CCSER1: variants seen among roughly 807,000 people sequenced by gnomAD.
The protein encoded by CCSER1 is serine-rich coiled-coil domain-containing protein 1.
CCSER1 carries 41 observed loss-of-function variants against 82.0 expected under a neutral mutation model. That is an observed-to-expected ratio of 0.50 (90% CI 0.39 to 0.65). The LOEUF (loss-of-function observed/expected upper bound fraction) is 0.65, where lower values mean the gene tolerates loss of function less well. Ranked by LOEUF, CCSER1 falls within the 30% of genes least tolerant of loss-of-function variation. The pLI is 0.00. For missense variants in CCSER1, 1,119 were observed against 1,064.2 expected, an observed-to-expected ratio of 1.05 and a Z score of -0.72; for synonymous variants, 414 against 383.9, an observed-to-expected ratio of 1.08 and a Z score of -0.92.
At chr4:91,381,016 G>C (rs1350400043) in intron 10 of CCSER1, among the ~76,000 whole-genome samples, 1 of 152,066 alleles carries the variant, frequency 6.6e-6, no homozygotes, top group African/African-American at 2.4e-5. Context: ...AGCTTATTTT[G>C]GCTGGTTATG....
intron 4 of CCSER1, among the ~76,000 whole-genome samples, chr4:90,467,745 A>G (rs1040656033): frequency 1.8e-4 from 28 of 152,114 alleles, no homozygotes; most frequent in Admixed American, 1.6e-3. Flanking sequence ...ATATGATCCC[A>G]TTTGTGTAAA....
chr4:90,610,252 CAAATAAATAAATAAATAAATAAAT>C (rs201777020), intron 5 of CCSER1, among the ~76,000 whole-genome samples: 1 of 135,966 alleles, frequency 7.4e-6, no homozygotes, highest in African/African-American at 2.7e-5. Flanking sequence ...GACTCCATCT[CAAATAAATAAATAAATAAATAAAT>C]AAATAAATAA....
At chr4:90,545,523 G>C (rs183307045) in intron 5 of CCSER1, among the ~76,000 whole-genome samples, 25 of 152,128 alleles carry the variant, frequency 1.6e-4, no homozygotes, top group Admixed American at 8.5e-4. Flanking sequence ...CTAATAGTTG[G>C]AAAGGAGAGG....
At chr4:91,404,055 T>C (rs542860334) in intron 10 of CCSER1, among the ~76,000 whole-genome samples, 1 of 152,292 alleles carries the variant, frequency 6.6e-6, no homozygotes, top group Admixed American at 6.5e-5. Context: ...AGGCTATTAA[T>C]TATTGCCTCA....
intron 5 of CCSER1, among the ~76,000 whole-genome samples, chr4:90,536,914 T>C (rs1302423657): frequency 6.6e-6 from 1 of 152,228 alleles, no homozygotes; most frequent in African/African-American, 2.4e-5. Context: ...AACGCTTTTC[T>C]TTATCATTGA....
intron 3 of CCSER1, among the ~76,000 whole-genome samples, chr4:90,378,185 G>A (rs1748658870): frequency 6.6e-6 from 1 of 152,112 alleles, no homozygotes; most frequent in Admixed American, 6.6e-5. Context: ...TCTGCCTTCA[G>A]TAATCTCAGT....
At chr4:90,776,739 C>T (rs1752944204) in intron 7 of CCSER1, among the ~76,000 whole-genome samples, 1 of 152,130 alleles carries the variant, frequency 6.6e-6, no homozygotes, top group Admixed American at 6.5e-5. Context: ...CTAATATTTT[C>T]CCCATTTTAC....
intron 4 of CCSER1, among the ~76,000 whole-genome samples, chr4:90,414,536 G>C (rs1268068351): frequency 1.3e-5 from 2 of 152,008 alleles, no homozygotes; most frequent in Non-Finnish European, 2.9e-5. Context: ...TGAGATGCTA[G>C]CATTTATACT....
At chr4:90,372,072 G>C (rs1747527473) in intron 3 of CCSER1, among the ~76,000 whole-genome samples, 1 of 152,134 alleles carries the variant, frequency 6.6e-6, no homozygotes, top group Non-Finnish European at 1.5e-5. Flanking sequence ...TTGGAACTCT[G>C]TGGATATGCT....
chr4:90,883,134 A>C (rs545753065), intron 8 of CCSER1, among the ~76,000 whole-genome samples: 1 of 152,114 alleles, frequency 6.6e-6, no homozygotes, highest in South Asian at 2.1e-4. Context: ...TCCTGAACTC[A>C]TAGTCATAGC....
intron 10 of CCSER1, among the ~76,000 whole-genome samples, chr4:91,429,726 A>G (rs1183399212): frequency 6.6e-6 from 1 of 151,944 alleles, no homozygotes; most frequent in African/African-American, 2.4e-5. Context: ...TCATGTTGTC[A>G]TGAGTAAAAT....
chr4:90,428,083 T>A (rs1457988932), intron 4 of CCSER1, among the ~76,000 whole-genome samples: 1 of 151,868 alleles, frequency 6.6e-6, no homozygotes, highest in Non-Finnish European at 1.5e-5. Context: ...TCTTTTTCTA[T>A]TTTCAGTAGT....
At chr4:90,400,489 A>C (rs2153544667) in intron 4 of CCSER1, among the ~76,000 whole-genome samples, 1 of 152,248 alleles carries the variant, frequency 6.6e-6, no homozygotes, top group Admixed American at 6.5e-5. Context: ...ATTTTATATA[A>C]CCAAATGGAA....
At chr4:91,265,368 T>A (rs182913909) in intron 10 of CCSER1, among the ~76,000 whole-genome samples, 26 of 152,280 alleles carry the variant, frequency 1.7e-4, no homozygotes, top group Middle Eastern at 3.4e-3. Context: ...GTGAATTAGG[T>A]TAATTTTCTG....
At chr4:91,412,254 G>A (rs1020764108) in intron 10 of CCSER1, among the ~76,000 whole-genome samples, 17 of 151,976 alleles carry the variant, frequency 1.1e-4, no homozygotes, top group Admixed American at 9.2e-4. Flanking sequence ...ACCATCCACC[G>A]AGGAATCAGG....
chr4:91,087,552 T>C (rs1723511217), intron 10 of CCSER1, among the ~76,000 whole-genome samples: 1 of 152,114 alleles, frequency 6.6e-6, no homozygotes. Context: ...TATATTGTTC[T>C]CAAAACTATT....
Position 91,014,091 on chromosome 4 carries a change from C to T in CCSER1, c.2173-71859C>T, listed in dbSNP as rs1739227376. On this transcript the variant is annotated intron_variant, in intron 9 of 10. Transcript: ENST00000509176. ...ACATAAGCCCGGACATCACTTAATG[C>T]TTGGAAGAGTGAGATTTTTAGGAAA... Among the ~76,000 whole-genome samples, 2 of 133,326 alleles carry T rather than the reference C, an allele frequency of 1.5e-5. 1 individual carries two copies. The highest frequency in any genetic ancestry group is 3.5e-5 in the Non-Finnish European group (2 of 57,514). The allele number at this position is 133,326 out of a possible 152,430, so 87.5% of individuals were successfully genotyped here. A position where few individuals can be genotyped will look rare whatever the true frequency, so the allele number is the denominator to read the frequency against.
chr4:91,493,700 GATTAATTCACTATGAATTATA>G (rs1560714334), intron 10 of CCSER1, among the ~76,000 whole-genome samples: 1 of 151,448 alleles, frequency 6.6e-6, no homozygotes, highest in Non-Finnish European at 1.5e-5. Flanking sequence ...AGTGAATTAT[GATTAATTCACTATGAATTATA>G]ATTAAAATAT....
chr4:91,507,988 T>C (rs2110108198), intron 10 of CCSER1, among the ~76,000 whole-genome samples: 2 of 102,520 alleles, frequency 2.0e-5, no homozygotes, highest in South Asian at 6.8e-4. Context: ...TTTCTTAGGA[T>C]TTTCTATATA....
Sources: gnomAD v4.1 joint callset for allele counts (sites outside exome capture counted in the v4.1 genomes callset) on GRCh38, gnomAD v4.1.1 for gene constraint, MANE v1.5 for transcripts, NCBI Gene and HGNC (gene_info 2026-07-23, HGNC 2026-07-21) for gene names.